RAMP1: variants seen among roughly 807,000 people sequenced by gnomAD.
RAMP1 encodes the protein receptor activity-modifying protein 1.
In RAMP1, 7 loss-of-function variants were observed where a neutral mutation model predicts 8.2. The ratio of observed to expected loss-of-function variants is 0.85; its 90% CI spans 0.49 to 1.60. The LOEUF is 1.60. Among genes scored for constraint, RAMP1 ranks in the 40% most tolerant of loss-of-function variants. The probability of loss-of-function intolerance (pLI) is 0.00; values close to 1 mark genes in which losing one functional copy is unlikely to be tolerated. For synonymous variants in RAMP1, 92 were observed against 84.7 expected, an observed-to-expected ratio of 1.09 and a Z score of -0.47; for missense variants, 192 against 202.4, an observed-to-expected ratio of 0.95 and a Z score of 0.31.
At chr2:237,889,756 T>C (rs973322538) in intron 2 of RAMP1, among the ~76,000 whole-genome samples, 1 of 152,142 alleles carries the variant, frequency 6.6e-6, no homozygotes, top group African/African-American at 2.4e-5. Flanking sequence ...GCCTCCCAAA[T>C]AGCTGGAACT....
At chr2:237,886,577 G>A (rs1475888131) in intron 2 of RAMP1, among the ~76,000 whole-genome samples, 4 of 152,120 alleles carry the variant, frequency 2.6e-5, no homozygotes, top group Admixed American at 6.5e-5. Context: ...TGGAGCGGGC[G>A]ACTGCTGGCC....
chr2:237,881,283 CAG>C (rs966560216), intron 2 of RAMP1, among the ~76,000 whole-genome samples: 4 of 152,232 alleles, frequency 2.6e-5, no homozygotes, highest in East Asian at 3.8e-4. Context: ...CTCCGCCGTG[CAG>C]AGTCTTTCAG....
Position 237,859,712 on chromosome 2 carries a change from C to A in RAMP1, c.37C>A (p.Leu13Ile). 6.6e-7 allele frequency: 1 copy of A among 1,513,940 alleles called. No homozygotes were observed. Among genetic ancestry groups the A allele is most frequent in the African/African-American group, 1.4e-5 (1 of 69,372 alleles). The allele number at this position is 1,513,940 out of a possible 1,614,324, so 93.8% of individuals were successfully genotyped here. Residue 13 changes from leucine to isoleucine, a missense_variant, in exon 1 of 3, where the codon CTC becomes ATC. Physicochemically the swap from Leu to Ile is conservative, Grantham distance 5. Transcript: ENST00000254661. ...RALCRLPRRG[L>I]WLLLAHHLFM... ...CCTGTGCCGCCTCCCGCGGCGCGGC[C>A]TCTGGCTGCTCCTGGGTGAGTAGGT...
At chr2:237,904,769 GTATCTT>G (rs1247439317) in intron 2 of RAMP1, among the ~76,000 whole-genome samples, 1 of 152,196 alleles carries the variant, frequency 6.6e-6, no homozygotes, top group Non-Finnish European at 1.5e-5. Context: ...GTGAGGACCT[GTATCTT>G]TATCTTAATA....
chr2:237,902,279 G>GT (rs2062607167), intron 2 of RAMP1, among the ~76,000 whole-genome samples: 1 of 141,308 alleles, frequency 7.1e-6, no homozygotes, highest in Non-Finnish European at 1.6e-5. Context: ...AGAGGGAGGG[G>GT]TAAGGAGGGA....
chr2:237,908,926 G>T (rs2062680255), intron 2 of RAMP1, among the ~76,000 whole-genome samples: 1 of 152,182 alleles, frequency 6.6e-6, no homozygotes, highest in Non-Finnish European at 1.5e-5. Flanking sequence ...AGAAGAGTCT[G>T]GGATGGTGGA....
At chr2:237,901,208 C>T (rs556979703) in intron 2 of RAMP1, among the ~76,000 whole-genome samples, 8 of 152,378 alleles carry the variant, frequency 5.3e-5, no homozygotes, top group African/African-American at 1.9e-4. Context: ...ACATCCCTCT[C>T]TCGCTGTCTT....
intron 2 of RAMP1, among the ~76,000 whole-genome samples, chr2:237,911,158 G>A (rs535136965): frequency 6.6e-5 from 10 of 152,346 alleles, no homozygotes; most frequent in East Asian, 5.8e-4. Context: ...ACACACAGAC[G>A]CGACACCAGC....
At position 237,879,505 on chromosome 2, in the gene RAMP1, G is replaced by T. The variant is rs538064982; in HGVS notation, c.191+2143G>T. On this transcript the variant is annotated intron_variant, in intron 2 of 2. Transcript: ENST00000254661. ...GTTTTTTTATTATTATTATTATTATGATACTTTAAGTTCTAGGGCACATGT... is the reference window on the plus strand; with the variant it reads ...GTTTTTTTATTATTATTATTATTATTATACTTTAAGTTCTAGGGCACATGT... 5.4e-5 allele frequency among the ~76,000 whole-genome samples: 8 copies of T among 148,642 alleles called. No individual in the cohort carries two copies. In the South Asian group the frequency reaches 1.7e-3, roughly 32 times the overall value.
chr2:237,909,287 A>G (rs570574673), intron 2 of RAMP1, among the ~76,000 whole-genome samples: 2 of 152,094 alleles, frequency 1.3e-5, no homozygotes, highest in South Asian at 4.2e-4. Context: ...CCAAACCTCC[A>G]TTTCCCTGTC....
Position 237,905,967 on chromosome 2 carries a change from T to C in RAMP1, c.192-5561T>C, listed in dbSNP as rs566873798. On this transcript the variant is annotated intron_variant, in intron 2 of 2. Coordinates refer to ENST00000254661, the MANE Select transcript of RAMP1 (RefSeq NM_005855.4). ...CGGAGGTTGCAGTGAGCTGAGATTGTACCACTGCACTCCAGCCTGGGCAAC... is the reference window on the plus strand; with the variant it reads ...CGGAGGTTGCAGTGAGCTGAGATTGCACCACTGCACTCCAGCCTGGGCAAC... Among the ~76,000 whole-genome samples, 64 of 141,780 alleles carry C rather than the reference T, an allele frequency of 4.5e-4. 1 individual carries two copies. The East Asian group carries it at 0.013, about 30-fold the overall frequency. The allele number at this position is 141,780 out of a possible 152,430, so 93.0% of individuals were successfully genotyped here.
At chr2:237,870,393 C>T (rs1484118383) in intron 1 of RAMP1, among the ~76,000 whole-genome samples, 1 of 152,230 alleles carries the variant, frequency 6.6e-6, no homozygotes, top group Non-Finnish European at 1.5e-5. Context: ...GGTAGCAGGG[C>T]CTGGCCCATG....
At chr2:237,898,339 A>G (rs1412871109) in intron 2 of RAMP1, among the ~76,000 whole-genome samples, 1 of 152,212 alleles carries the variant, frequency 6.6e-6, no homozygotes, top group African/African-American at 2.4e-5. Context: ...CTGGGCTGGC[A>G]CAGGTACATA....
At chr2:237,891,139 T>A (rs968011295) in intron 2 of RAMP1, among the ~76,000 whole-genome samples, 2 of 152,078 alleles carry the variant, frequency 1.3e-5, no homozygotes, top group African/African-American at 4.8e-5. Context: ...ATGTCAGTTT[T>A]TTTCATTGTA....
Position 237,911,771 on chromosome 2 carries a change from G to A in RAMP1, c.435G>A (p.Glu145=). 1 of 1,608,934 alleles carries A rather than the reference G, an allele frequency of 6.2e-7. No homozygotes were observed. Among genetic ancestry groups the A allele is most frequent in the Non-Finnish European group, 8.5e-7 (1 of 1,177,736 alleles). The part of the protein sequence containing the change: ...ALVVWQSKRT[E]GIV Reference sequence around the variant, plus strand: ...TGGTCTGGCAGAGCAAGCGCACTGAGGGCATTGTGTAGGCGGGGCCCAGGC... The same window carrying A: ...TGGTCTGGCAGAGCAAGCGCACTGAAGGCATTGTGTAGGCGGGGCCCAGGC... Residue 145 remains glutamate, a synonymous_variant, in exon 3 of 3, where the codon GAG becomes GAA. Transcript: ENST00000254661.
intron 2 of RAMP1, among the ~76,000 whole-genome samples, chr2:237,908,715 T>C (rs10460273): frequency 0.81 from 123,400 of 152,152 alleles, 50,289 homozygotes; most frequent in African/African-American, 0.89. Context: ...GGATTACAGG[T>C]GTTAAGCCAC....
At chr2:237,910,578 C>G (rs1330570878) in intron 2 of RAMP1, among the ~76,000 whole-genome samples, 1 of 150,758 alleles carries the variant, frequency 6.6e-6, no homozygotes, top group Non-Finnish European at 1.5e-5. Flanking sequence ...ATAACAGTTA[C>G]ACAGTCACAC....
intron 1 of RAMP1, among the ~76,000 whole-genome samples, chr2:237,872,918 G>T (rs1266387744): frequency 6.6e-6 from 1 of 152,226 alleles, no homozygotes; most frequent in East Asian, 1.9e-4. Flanking sequence ...TACTTGGGAG[G>T]CTGAGGTGGA....
At chr2:237,902,277 G>A (rs971506989) in intron 2 of RAMP1, among the ~76,000 whole-genome samples, 5 of 150,618 alleles carry the variant, frequency 3.3e-5, no homozygotes, top group South Asian at 2.1e-4. Context: ...GAAGAGGGAG[G>A]GGTAAGGAGG....
Sources: gnomAD v4.1 joint callset for allele counts (sites outside exome capture counted in the v4.1 genomes callset) on GRCh38, gnomAD v4.1.1 for gene constraint, MANE v1.5 for transcripts, NCBI Gene and HGNC (gene_info 2026-07-23, HGNC 2026-07-21) for gene names.